The following RASSF3 variants were observed in gnomAD, a reference collection of about 807,000 sequenced individuals.
RASSF3 encodes the protein ras association domain-containing protein 3.
A neutral mutation model predicts 19.9 loss-of-function variants in RASSF3; 19 were observed. The observed-to-expected ratio is 0.96, with a 90% CI of 0.67 to 1.40. The LOEUF (loss-of-function observed/expected upper bound fraction) is 1.40. Ranked by LOEUF, RASSF3 falls within the 40% of genes most tolerant of loss-of-function variation. The probability of loss-of-function intolerance (pLI) is 0.00; values close to 1 mark genes in which losing one functional copy is unlikely to be tolerated. For missense variants in RASSF3, 306 were observed against 289.8 expected (o/e 1.06, Z -0.41); for synonymous variants, 110 against 104.2 (o/e 1.06, Z -0.34).
At chr12:64,664,075 T>C (rs1448746902) in intron 1 of RASSF3, among the ~76,000 whole-genome samples, 1 of 152,186 alleles carries the variant, frequency 6.6e-6, no homozygotes, top group Non-Finnish European at 1.5e-5. Flanking sequence ...AGAGACCTGG[T>C]AAACAGCAAC....
Position 64,688,423 on chromosome 12 carries a change from C to G in RASSF3, c.427C>G (p.Leu143Val). The change falls in exon 3 of 5, where the codon CTT (leucine) becomes GTT (valine). Residue 143 changes from leucine (L) to valine (V), a missense_variant. Transcript: ENST00000542104. ...GACTGAGAGCCCTGCCAAGTTTGCA[C>G]TTTATAAGCGTTGTCACAGGGAAGA... ...LVTESPAKFA[L>V]YKRCHREDQV... 1 of 1,614,090 alleles carries G rather than the reference C, an allele frequency of 6.2e-7. No individual in the cohort carries two copies. Among genetic ancestry groups the G allele is most frequent in the Non-Finnish European group, 8.5e-7 (1 of 1,179,944 alleles).
At chr12:64,583,847 C>T (rs75206725) in intron 2 of RASSF3, among the ~76,000 whole-genome samples, 4,090 of 152,278 alleles carry the variant, frequency 0.027, 86 homozygotes, top group Non-Finnish European at 0.04. Flanking sequence ...AGTTCACTGA[C>T]AAGATCTTAT....
intron 1 of RASSF3, among the ~76,000 whole-genome samples, chr12:64,535,906 C>G (rs1347577583): frequency 1.3e-5 from 2 of 151,498 alleles, no homozygotes; most frequent in African/African-American, 2.4e-5. Context: ...AAGCTGGTCT[C>G]AAACTCCCAG....
chr12:64,668,875 G>A (rs1337411393), intron 1 of RASSF3, among the ~76,000 whole-genome samples: 1 of 151,282 alleles, frequency 6.6e-6, no homozygotes, highest in East Asian at 2.0e-4. Flanking sequence ...TAGAGATGGG[G>A]TTTCACCGTG....
chr12:64,643,456 C>T (rs892220609), intron 1 of RASSF3, among the ~76,000 whole-genome samples: 1 of 151,830 alleles, frequency 6.6e-6, no homozygotes, highest in East Asian at 1.9e-4. Context: ...CCGCTTGAGC[C>T]GAGGAAGGAG....
intron 2 of RASSF3, among the ~76,000 whole-genome samples, chr12:64,600,211 C>A (rs1313846674): frequency 6.6e-6 from 1 of 152,048 alleles, no homozygotes; most frequent in Non-Finnish European, 1.5e-5. Context: ...GTAATCCCAG[C>A]ACCTTTGGAG....
At chr12:64,650,386 A>T (rs1229201063) in intron 1 of RASSF3, among the ~76,000 whole-genome samples, 1 of 146,522 alleles carries the variant, frequency 6.8e-6, no homozygotes, top group Admixed American at 6.8e-5. Flanking sequence ...GTCCTCAGCC[A>T]GGAGGTGTTT....
chr12:64,532,100 A>T (rs191336798), upstream of RASSF3, among the ~76,000 whole-genome samples: 32 of 152,302 alleles, frequency 2.1e-4, no homozygotes, highest in African/African-American at 7.0e-4. Context: ...TCTAACCATT[A>T]AAAAGGCAGC....
At chr12:64,564,444 A>G (rs1054673285) in intron 2 of RASSF3, among the ~76,000 whole-genome samples, 5 of 150,280 alleles carry the variant, frequency 3.3e-5, no homozygotes, top group Non-Finnish European at 5.9e-5. Flanking sequence ...GTGCAATGGC[A>G]TGATCTCAGC....
intron 2 of RASSF3, among the ~76,000 whole-genome samples, chr12:64,582,155 C>T (rs971120479): frequency 1.3e-5 from 2 of 152,104 alleles, no homozygotes; most frequent in East Asian, 1.9e-4. Context: ...GCCCAGCTGA[C>T]GATGACATTT....
intron 1 of RASSF3, among the ~76,000 whole-genome samples, chr12:64,670,197 G>A (rs1250607913): frequency 6.6e-6 from 1 of 152,154 alleles, no homozygotes; most frequent in Non-Finnish European, 1.5e-5. Context: ...TGGCGTTGGT[G>A]CCTCTGTTTT....
At chr12:64,669,438 A>G (rs1432733758) in intron 1 of RASSF3, among the ~76,000 whole-genome samples, 2 of 151,948 alleles carry the variant, frequency 1.3e-5, no homozygotes, top group African/African-American at 4.8e-5. Flanking sequence ...GGCAGGGCAT[A>G]TCCTGTGTTT....
intron 1 of RASSF3, among the ~76,000 whole-genome samples, chr12:64,520,557 T>TACACAC (rs1474890262): frequency 6.6e-5 from 1 of 15,052 alleles, no homozygotes; most frequent in African/African-American, 3.7e-4. Context: ...CATACACACA[T>TACACAC]ATATATATAT....
upstream of RASSF3, among the ~76,000 whole-genome samples, chr12:64,529,910 G>A (rs1868669284): frequency 6.6e-6 from 1 of 152,172 alleles, no homozygotes; most frequent in African/African-American, 2.4e-5. Context: ...TGACAATCGA[G>A]CTTGGTGAGA....
chr12:64,561,779 A>C (rs1592401219), intron 2 of RASSF3, among the ~76,000 whole-genome samples: 1 of 125,778 alleles, frequency 8.0e-6, no homozygotes, highest in Admixed American at 1.0e-4. Flanking sequence ...CGCAACCTCC[A>C]CCTCCTGGGT....
At chr12:64,648,473 T>C (rs1277342758) in intron 1 of RASSF3, among the ~76,000 whole-genome samples, 1 of 151,814 alleles carries the variant, frequency 6.6e-6, no homozygotes. Flanking sequence ...CTCTAGGGCA[T>C]AGTGGGTTAA....
At chr12:64,513,045 TC>T (rs1253768759) in intron 1 of RASSF3, among the ~76,000 whole-genome samples, 2 of 152,064 alleles carry the variant, frequency 1.3e-5, no homozygotes, top group Non-Finnish European at 2.9e-5. Flanking sequence ...ACAGAAGCTC[TC>T]CCGAAGCAAA....
chr12:64,546,027 C>G (rs1460974030), downstream of RASSF3, among the ~76,000 whole-genome samples: 2 of 135,952 alleles, frequency 1.5e-5, no homozygotes, highest in East Asian at 2.4e-4. Flanking sequence ...ACCAGGGAGG[C>G]GAAGCTTGCA....
chr12:64,645,645 C>T (rs1022989922), intron 1 of RASSF3, among the ~76,000 whole-genome samples: 2 of 151,656 alleles, frequency 1.3e-5, no homozygotes, highest in South Asian at 2.1e-4. Flanking sequence ...CCCATCCTTA[C>T]CAAAAAAAGA....
Sources: gnomAD v4.1 joint callset for allele counts (sites outside exome capture counted in the v4.1 genomes callset) on GRCh38, gnomAD v4.1.1 for gene constraint, MANE v1.5 for transcripts, NCBI Gene and HGNC (gene_info 2026-07-23, HGNC 2026-07-21) for gene names.